The following STX6 variants were observed in gnomAD, a reference collection of about 807,000 sequenced individuals.
STX6 encodes the protein syntaxin-6.
STX6 carries 23 observed loss-of-function variants against 38.0 expected under a neutral mutation model. The ratio of observed to expected loss-of-function variants is 0.60; its 90% CI spans 0.43 to 0.86. STX6 has a LOEUF of 0.86. STX6 is among the 40% of genes least tolerant of loss of function. The probability of loss-of-function intolerance (pLI) is 0.00; values close to 1 mark genes in which losing one functional copy is unlikely to be tolerated. For synonymous variants in STX6, 123 were observed against 107.5 expected, an observed-to-expected ratio of 1.14 and a Z score of -0.89; for missense variants, 274 against 312.9, an observed-to-expected ratio of 0.88 and a Z score of 0.94.
intron 1 of STX6, among the ~76,000 whole-genome samples, chr1:181,020,887 T>C (rs1033696609): frequency 6.6e-6 from 1 of 152,214 alleles, no homozygotes; most frequent in Non-Finnish European, 1.5e-5. Context: ...TTTGATACTT[T>C]TAATAAACAC....
chr1:180,981,899 A>G (rs1379451862), intron 7 of STX6, among the ~76,000 whole-genome samples: 2 of 152,232 alleles, frequency 1.3e-5, no homozygotes, highest in Non-Finnish European at 2.9e-5. Flanking sequence ...TGCCTCAAAA[A>G]GTCAGAGCGG....
chr1:181,015,162 G>A lies in STX6; in HGVS notation c.35+7477C>T, dbSNP rs75404984. Among the ~76,000 whole-genome samples the A allele has an allele frequency of 3.9e-4, 59 of 152,090 alleles. 1 individual carries two copies. In the East Asian group the frequency reaches 0.011, roughly 29 times the overall value. On this transcript the variant is annotated intron_variant, in intron 1 of 7. Transcript: ENST00000258301. ...CTTTGTGGCCTCTATGTGCTCATCA[G>A]CATTCACAAGTTCAAAGCACCCCTC...
At chr1:181,019,517 G>C (rs900576558) in intron 1 of STX6, among the ~76,000 whole-genome samples, 1 of 152,190 alleles carries the variant, frequency 6.6e-6, no homozygotes, top group African/African-American at 2.4e-5. Context: ...GAATCAGGCA[G>C]TGTGGGTGCA....
intron 7 of STX6, among the ~76,000 whole-genome samples, chr1:180,980,390 C>T (rs1655373126): frequency 3.3e-5 from 5 of 151,996 alleles, no homozygotes; most frequent in Admixed American, 3.3e-4. Context: ...ATATTAACTC[C>T]TAGTGGGAAT....
intron 1 of STX6, among the ~76,000 whole-genome samples, chr1:181,008,725 TTG>T (rs1553266077): frequency 3.8e-4 from 36 of 95,120 alleles, no homozygotes; most frequent in African/African-American, 1.5e-3. Flanking sequence ...CTTTCCAAAA[TTG>T]TTTTTTTTTT....
intron 1 of STX6, among the ~76,000 whole-genome samples, chr1:181,019,590 G>C (rs1401217572): frequency 6.6e-6 from 1 of 152,180 alleles, no homozygotes. Flanking sequence ...CACTGCTGGA[G>C]TACTAAGGCT....
chr1:180,984,530 A>G, intron 7 of STX6, 147 bp downstream of exon 7: 1 of 406,320 alleles, frequency 2.5e-6, no homozygotes, highest in Non-Finnish European at 4.5e-6. Context: ...GCCTGGGTGA[A>G]AGAGTGAGAC....
chr1:180,994,556 T>C (rs989121618), intron 3 of STX6, among the ~76,000 whole-genome samples: 13 of 152,198 alleles, frequency 8.5e-5, no homozygotes, highest in African/African-American at 3.1e-4. Flanking sequence ...CTCAGTGAAA[T>C]AAGCCAGGCA....
rs1439047297 is a variant in STX6 at position 180,974,066 on chromosome 1, C to A, written c.*2504G>T. ...GAGACCACCTGGGTTCCCTCTAAAG[C>A]CCTGAACATTAGGACCACTGAGGAG... On this transcript the variant is annotated 3_prime_UTR_variant, in exon 8 of 8. Transcript: ENST00000258301. 1 of 152,212 alleles carries A rather than the reference C, an allele frequency of 6.6e-6. No homozygotes were observed. The highest frequency in any genetic ancestry group is 2.1e-4 in the South Asian group (1 of 4,828). 9.4% of individuals were successfully genotyped at this position (152,212 alleles called of 1,614,324 possible). A position where few individuals can be genotyped will look rare whatever the true frequency, so the allele number is the denominator to read the frequency against.
Position 181,007,184 on chromosome 1 carries a change from T to C in STX6, c.36-1721A>G, listed in dbSNP as rs114437604. Among the ~76,000 whole-genome samples, 1,460 of 152,304 alleles carry C rather than the reference T, an allele frequency of 9.6e-3. 22 individuals carry two copies. The highest frequency in any genetic ancestry group is 0.034 in the African/African-American group (1,402 of 41,560). On this transcript the variant is annotated intron_variant, in intron 1 of 7. Coordinates refer to ENST00000258301, the MANE Select transcript of STX6 (RefSeq NM_005819.6). ...ACCAAATCTGCAGATGCTGAAGTCCTTACATAAAGTGGCATAGTATTTGCA... is the reference window on the plus strand; with the variant it reads ...ACCAAATCTGCAGATGCTGAAGTCCCTACATAAAGTGGCATAGTATTTGCA...
Position 180,976,483 on chromosome 1 carries a change from G to T in STX6, c.*87C>A. 3 of 1,138,676 alleles carry T rather than the reference G, an allele frequency of 2.6e-6. No individual in the cohort carries two copies. Among genetic ancestry groups the T allele is most frequent in the Non-Finnish European group, 2.7e-6 (2 of 754,516 alleles). 70.5% of individuals were successfully genotyped at this position (1,138,676 alleles called of 1,614,324 possible). ...CAGTATGTTTCCAGGATAGGAATGTGAGTAGACGGCAATGTCACACGTGCT... is the reference window on the plus strand; with the variant it reads ...CAGTATGTTTCCAGGATAGGAATGTTAGTAGACGGCAATGTCACACGTGCT... On this transcript the variant is annotated 3_prime_UTR_variant, in exon 8 of 8. Transcript: ENST00000258301.
At chr1:180,985,675 C>G (rs1655557750) in intron 6 of STX6, among the ~76,000 whole-genome samples, 1 of 152,200 alleles carries the variant, frequency 6.6e-6, no homozygotes, top group Non-Finnish European at 1.5e-5. Context: ...GAAAGAAAAC[C>G]CCAAAATACT....
intron 1 of STX6, among the ~76,000 whole-genome samples, chr1:181,019,732 G>A (rs866139157): frequency 3.3e-5 from 5 of 152,324 alleles, no homozygotes; most frequent in African/African-American, 1.2e-4. Context: ...ACACTGTGCT[G>A]TCCAACACGG....
intron 3 of STX6, among the ~76,000 whole-genome samples, chr1:180,994,856 T>C (rs1469528343): frequency 6.6e-6 from 1 of 152,194 alleles, no homozygotes; most frequent in East Asian, 1.9e-4. Context: ...TTTAAAATGA[T>C]GGATATTCCA....
chr1:181,003,606 A>T (rs556097056), intron 2 of STX6, among the ~76,000 whole-genome samples: 39 of 152,284 alleles, frequency 2.6e-4, no homozygotes, highest in African/African-American at 8.7e-4. Context: ...GAATAACAAA[A>T]ATTATTTACT....
At chr1:181,021,115 A>T (rs1049929949) in intron 1 of STX6, among the ~76,000 whole-genome samples, 20 of 152,224 alleles carry the variant, frequency 1.3e-4, no homozygotes, top group Admixed American at 1.3e-4. Flanking sequence ...GATACCATCA[A>T]GAAAAAAAAA....
In STX6 at chr1:180,990,378, A is replaced by G. The variant is rs145613402; in HGVS notation, c.364-269T>C. 1.4e-4 allele frequency among the ~76,000 whole-genome samples: 21 copies of G among 152,300 alleles called. No individual in the cohort carries two copies. In the East Asian group the frequency reaches 3.9e-3, roughly 28 times the overall value. ...GCAAATAAACGTCTGCTAAATCAACAAACACCCATCTATATACTGTGTTAT... is the reference window on the plus strand; with the variant it reads ...GCAAATAAACGTCTGCTAAATCAACGAACACCCATCTATATACTGTGTTAT... On this transcript the variant is annotated intron_variant, in intron 4 of 7. Coordinates refer to ENST00000258301, the MANE Select transcript of STX6 (RefSeq NM_005819.6).
chr1:181,016,144 C>A (rs1049042286), intron 1 of STX6, among the ~76,000 whole-genome samples: 1 of 152,236 alleles, frequency 6.6e-6, no homozygotes, highest in Non-Finnish European at 1.5e-5. Context: ...CTCCTCCTAA[C>A]CCAAACTGGC....
chr1:180,991,748 G>C (rs1232215778), intron 4 of STX6, among the ~76,000 whole-genome samples: 3 of 152,122 alleles, frequency 2.0e-5, no homozygotes, highest in Non-Finnish European at 4.4e-5. Context: ...GCAGCACAGA[G>C]CCTGGCACCT....
Sources: allele counts gnomAD v4.1 joint callset (sites outside exome capture counted in the v4.1 genomes callset), GRCh38; gene constraint gnomAD v4.1.1; transcripts MANE v1.5; gene names NCBI Gene and HGNC (gene_info 2026-07-23, HGNC 2026-07-21).